Variants in TMCO5A observed in about 807,000 individuals in gnomAD.
The protein encoded by TMCO5A is transmembrane and coiled-coil domain-containing protein 5A.
Under a neutral mutation model 42.3 loss-of-function variants are expected in TMCO5A, and 34 were observed. That is an observed-to-expected ratio of 0.80 (90% CI 0.61 to 1.07). The LOEUF (loss-of-function observed/expected upper bound fraction) is 1.07. TMCO5A is among the 50% of genes least tolerant of loss of function. The pLI is 0.00. For synonymous variants in TMCO5A, 131 were observed against 115.6 expected (o/e 1.13, Z -0.86); for missense variants, 357 against 327.9 (o/e 1.09, Z -0.69).
intron 10 of TMCO5A, 141 bp from the exon 11 acceptor site, chr15:37,947,515 A>G (rs1217962113): frequency 1.7e-6 from 1 of 605,196 alleles, no homozygotes; most frequent in African/African-American, 2.0e-5. Context: ...TTTGGCCTGA[A>G]AATTATATGT....
the TMCO5A span, among the ~76,000 whole-genome samples, chr15:38,009,299 TCAAAG>T: frequency 1.3e-5 from 2 of 152,202 alleles, no homozygotes; most frequent in Non-Finnish European, 2.9e-5. Context: ...CTCTAAGTGC[TCAAAG>T]CAATCAGTTC....
At position 37,951,342 on chromosome 15, in the gene TMCO5A, C is replaced by T. The variant is rs9806390; in HGVS notation, c.*108C>T. On this transcript the variant is annotated 3_prime_UTR_variant, in exon 12 of 12. Coordinates refer to ENST00000319669, the MANE Select transcript of TMCO5A (RefSeq NM_152453.4). ...GAGATTTGCTTCAGTTTTTTCCTCA[C>T]CGTTTGCCTGCTTGACTACCTTCTG... The T allele has an allele frequency of 3.2e-3, 3,459 of 1,089,076 alleles. 77 individuals are homozygous for T. In the African/African-American group the frequency reaches 0.048, roughly 15 times the overall value. The allele number at this position is 1,089,076 out of a possible 1,614,324, so 67.5% of individuals were successfully genotyped here. A position where few individuals can be genotyped will look rare whatever the true frequency, so the allele number is the denominator to read the frequency against.
chr15:37,943,122 G>A (rs930963631), intron 9 of TMCO5A: 1 of 403,252 alleles, frequency 2.5e-6, no homozygotes, highest in Admixed American at 4.2e-5. Context: ...CTAGTTAGTA[G>A]GTAAAACTAA....
downstream of TMCO5A, among the ~76,000 whole-genome samples, chr15:37,972,141 C>T (rs776781854): frequency 1.3e-5 from 2 of 152,232 alleles, no homozygotes; most frequent in African/African-American, 2.4e-5. Flanking sequence ...TACAGTTCCA[C>T]GTGGCTGGGG....
In TMCO5A at chr15:37,950,654, T is replaced by A. The variant is rs888539821; in HGVS notation, c.669-382T>A. Among the ~76,000 whole-genome samples, 8 of 152,114 alleles carry A rather than the reference T, an allele frequency of 5.3e-5. No individual in the cohort carries two copies. In the South Asian group the frequency reaches 1.7e-3, roughly 32 times the overall value. ...TACATCCATTTGATTAGCAAAAGTG[T>A]TTAAATCTGATAATATCAAGTGTTG... On this transcript the variant is annotated intron_variant, in intron 11 of 11. Coordinates refer to ENST00000319669, the MANE Select transcript of TMCO5A (RefSeq NM_152453.4).
chr15:38,003,345 A>C, the TMCO5A span, among the ~76,000 whole-genome samples: 1 of 152,074 alleles, frequency 6.6e-6, no homozygotes, highest in Non-Finnish European at 1.5e-5. Context: ...GGTCAGACCC[A>C]AAGCCAGCAC....
At chr15:37,988,933 T>G in the TMCO5A span, among the ~76,000 whole-genome samples, 1 of 152,032 alleles carries the variant, frequency 6.6e-6, no homozygotes, top group Admixed American at 6.6e-5. Context: ...CTTCTCTAAA[T>G]GTTTGGTACA....
At chr15:37,952,401 CCAGT>C (rs1890182805), downstream of TMCO5A, among the ~76,000 whole-genome samples, 1 of 152,044 alleles carries the variant, frequency 6.6e-6, no homozygotes, top group African/African-American at 2.4e-5. Flanking sequence ...AGATAGGGCA[CCAGT>C]CAGAGTCATG....
chr15:38,004,143 T>C, the TMCO5A span, among the ~76,000 whole-genome samples: 1 of 151,842 alleles, frequency 6.6e-6, no homozygotes, highest in Non-Finnish European at 1.5e-5. Context: ...CAGGACTGAG[T>C]CCTTCCCTTC....
the TMCO5A span, among the ~76,000 whole-genome samples, chr15:38,012,077 T>C: frequency 6.7e-6 from 1 of 150,076 alleles, no homozygotes; most frequent in East Asian, 2.0e-4. Context: ...TGAGCCAAGA[T>C]CGCGCCACTG....
At chr15:38,012,079 G>C in the TMCO5A span, among the ~76,000 whole-genome samples, 1 of 150,748 alleles carries the variant, frequency 6.6e-6, no homozygotes, top group Non-Finnish European at 1.5e-5. Context: ...AGCCAAGATC[G>C]CGCCACTGCA....
chr15:38,037,638 T>C, the TMCO5A span, among the ~76,000 whole-genome samples: 1 of 152,080 alleles, frequency 6.6e-6, no homozygotes, highest in Non-Finnish European at 1.5e-5. Context: ...ATGTGGGCAA[T>C]GGAATGGAGA....
the TMCO5A span, among the ~76,000 whole-genome samples, chr15:37,990,683 T>G: frequency 6.6e-6 from 1 of 152,080 alleles, no homozygotes; most frequent in African/African-American, 2.4e-5. Context: ...CTATATACCT[T>G]TTATCTTTTT....
the TMCO5A span, among the ~76,000 whole-genome samples, chr15:38,031,523 T>C: frequency 6.6e-6 from 1 of 152,198 alleles, no homozygotes. Flanking sequence ...TGCCATGTCA[T>C]GAGCAACCCT....
chr15:37,962,845 C>T (rs1315179205), intron 11 of TMCO5A, among the ~76,000 whole-genome samples: 2 of 151,890 alleles, frequency 1.3e-5, no homozygotes, highest in Middle Eastern at 3.2e-3. Context: ...TTCATAATAA[C>T]CTTGAATAAT....
chr15:37,969,985 T>G (rs1022771198), downstream of TMCO5A, among the ~76,000 whole-genome samples: 2 of 152,234 alleles, frequency 1.3e-5, no homozygotes, highest in Non-Finnish European at 2.9e-5. Context: ...GATGAGTATA[T>G]GCATGTATGT....
At chr15:37,987,311 T>C in the TMCO5A span, among the ~76,000 whole-genome samples, 27 of 152,072 alleles carry the variant, frequency 1.8e-4, no homozygotes, top group African/African-American at 6.0e-4. Context: ...ACATATACTT[T>C]GCAAATATTT....
At chr15:37,942,279 C>A in intron 9 of TMCO5A, 24 bp downstream of exon 9, 1 of 1,609,086 alleles carries the variant, frequency 6.2e-7, no homozygotes, top group Non-Finnish European at 8.5e-7. Flanking sequence ...AAGGAACATC[C>A]TGGTTTTGGT....
At chr15:37,953,809 G>A (rs1432296750), downstream of TMCO5A, among the ~76,000 whole-genome samples, 1 of 151,882 alleles carries the variant, frequency 6.6e-6, no homozygotes, top group African/African-American at 2.4e-5. Flanking sequence ...TCAAATTCAA[G>A]ATAACACAGA....
Sources: gnomAD v4.1 joint callset for allele counts (sites outside exome capture counted in the v4.1 genomes callset) on GRCh38, gnomAD v4.1.1 for gene constraint, MANE v1.5 for transcripts, NCBI Gene and HGNC (gene_info 2026-07-23, HGNC 2026-07-21) for gene names.